SLC23A2: variants seen among roughly 807,000 people sequenced by gnomAD.
SLC23A2 encodes the protein Na(+)/L-ascorbic acid transporter 2.
In SLC23A2, 36 loss-of-function variants were observed where a neutral mutation model predicts 73.3. The ratio of observed to expected loss-of-function variants is 0.49; its 90% CI spans 0.38 to 0.65. SLC23A2 has a LOEUF of 0.65. Ranked by LOEUF, SLC23A2 falls within the 30% of genes least tolerant of loss-of-function variation. The pLI, the probability that SLC23A2 is intolerant of heterozygous loss-of-function variation, is 0.00. For synonymous variants in SLC23A2, 343 were observed against 327.3 expected (o/e 1.05, Z -0.52); for missense variants, 507 against 841.6 (o/e 0.60, Z 4.92).
chr20:4,859,461 G>C, intron 15 of SLC23A2, 77 bp from the exon 16 acceptor site: 1 of 898,650 alleles, frequency 1.1e-6, no homozygotes, highest in Non-Finnish European at 1.9e-6. Flanking sequence ...AAGGGGCAAT[G>C]GTGTGGGCAG....
intron 1 of SLC23A2, among the ~76,000 whole-genome samples, chr20:4,988,718 G>A (rs1476792821): frequency 1.1e-4 from 15 of 141,776 alleles, no homozygotes; most frequent in Middle Eastern, 4.1e-3. Flanking sequence ...CCTAGCGATA[G>A]AGAGAGACTT....
rs188600994 is a variant in SLC23A2 at position 4,972,327 on chromosome 20, G to C, written c.-281-1408C>G. Among the ~76,000 whole-genome samples, 33 of 150,822 alleles carry C rather than the reference G, an allele frequency of 2.2e-4. No individual in the cohort carries two copies. In the East Asian group the frequency reaches 6.2e-3, roughly 28 times the overall value. ...ATGCCATCAGACTGGTACCAGTCCAGCCTTCAAGGAACCATTAATGAGTCT... is the reference window on the plus strand; with the variant it reads ...ATGCCATCAGACTGGTACCAGTCCACCCTTCAAGGAACCATTAATGAGTCT... On this transcript the variant is annotated intron_variant, in intron 1 of 16. Transcript: ENST00000338244.
chr20:4,900,378 T>A (rs1931700950), intron 5 of SLC23A2, among the ~76,000 whole-genome samples: 1 of 152,234 alleles, frequency 6.6e-6, no homozygotes, highest in South Asian at 2.1e-4. Context: ...GCCTTTCTCC[T>A]CTAATCTGTT....
intron 2 of SLC23A2, among the ~76,000 whole-genome samples, chr20:4,953,030 T>C (rs1236306679): frequency 7.4e-6 from 1 of 135,598 alleles, no homozygotes; most frequent in Non-Finnish European, 1.6e-5. Flanking sequence ...AAAAAAGGCC[T>C]GGCGCGGTGA....
intron 2 of SLC23A2, among the ~76,000 whole-genome samples, chr20:4,943,173 T>C (rs2087069563): frequency 6.6e-6 from 1 of 151,920 alleles, no homozygotes; most frequent in Non-Finnish European, 1.5e-5. Context: ...AGATGTTCCA[T>C]AAATGCTAAT....
At chr20:4,992,503 G>GTT (rs140932210) in intron 1 of SLC23A2, among the ~76,000 whole-genome samples, 3 of 95,730 alleles carry the variant, frequency 3.1e-5, no homozygotes, top group Admixed American at 2.3e-4. Context: ...AAGATTGACA[G>GTT]TTTTTTTTTT....
intron 6 of SLC23A2, among the ~76,000 whole-genome samples, chr20:4,888,179 C>T (rs571333693): frequency 3.3e-5 from 5 of 152,280 alleles, no homozygotes; most frequent in South Asian, 2.1e-4. Flanking sequence ...ACACCAGGGG[C>T]GGCCAAACCA....
intron 1 of SLC23A2, among the ~76,000 whole-genome samples, chr20:4,974,368 T>C (rs1281669441): frequency 2.6e-5 from 4 of 152,044 alleles, no homozygotes; most frequent in Admixed American, 2.0e-4. Context: ...TCGGGAAGGC[T>C]GAGGCAGGAG....
At position 4,852,386 on chromosome 20, in the gene SLC23A2, G is replaced by GA. The variant is rs1274359125; in HGVS notation, c.*4585dup. ...GTCCAGGAGAGCTTTTATTTGTACG[G>GA]AACAGTTTTAAAAATACAGAATAAA... On this transcript the variant is annotated 3_prime_UTR_variant, in exon 17 of 17. Coordinates refer to ENST00000338244, the MANE Select transcript of SLC23A2 (RefSeq NM_005116.6). This position sits in a 1 kb window ranked among gnomAD's most constrained non-coding sequence, Gnocchi z 4.3. 1 of 152,440 alleles carries GA rather than the reference G, an allele frequency of 6.6e-6. No individual in the cohort carries two copies. 9.4% of individuals were successfully genotyped at this position (152,440 alleles called of 1,614,324 possible).
intron 13 of SLC23A2, among the ~76,000 whole-genome samples, chr20:4,867,057 TAAAAAAAAAAAAAAAA>T (rs71197732): frequency 5.2e-5 from 4 of 76,504 alleles, no homozygotes; most frequent in Non-Finnish European, 9.2e-5. Flanking sequence ...AAGCGATCCC[TAAAAAAAAAAAAAAAA>T]AAAAAAAAAT....
upstream of SLC23A2, among the ~76,000 whole-genome samples, chr20:5,005,546 T>C (rs1475384391): frequency 6.6e-6 from 1 of 152,220 alleles, no homozygotes; most frequent in Non-Finnish European, 1.5e-5. Flanking sequence ...TATTCCATCT[T>C]CATACAGTAC....
At chr20:4,977,685 G>A (rs1448096559) in intron 1 of SLC23A2, among the ~76,000 whole-genome samples, 4 of 146,848 alleles carry the variant, frequency 2.7e-5, no homozygotes, top group African/African-American at 7.6e-5. Context: ...GTGACAGAGC[G>A]AGACTCTGTC....
chr20:4,963,125 AAATATCAATTCCT>A (rs2087419488), intron 2 of SLC23A2, among the ~76,000 whole-genome samples: 1 of 152,198 alleles, frequency 6.6e-6, no homozygotes, highest in Non-Finnish European at 1.5e-5. Flanking sequence ...TGGAGAATGT[AAATATCAATTCCT>A]CAGCAAATCC....
chr20:4,948,432 C>T (rs1600162317), intron 2 of SLC23A2, among the ~76,000 whole-genome samples: 1 of 152,130 alleles, frequency 6.6e-6, no homozygotes, highest in Non-Finnish European at 1.5e-5. Flanking sequence ...ACACCATACC[C>T]CCTGCTCCCC....
chr20:4,991,648 G>A (rs1412671946), intron 1 of SLC23A2, among the ~76,000 whole-genome samples: 1 of 151,404 alleles, frequency 6.6e-6, no homozygotes, highest in Non-Finnish European at 1.5e-5. Context: ...CTTGAATCCA[G>A]GAGGCGGAGG....
Position 4,883,952 on chromosome 20 carries a change from T to C in SLC23A2, c.643-129A>G, listed in dbSNP as rs1035067656. ...ATTACATCATCTAACTTGGGAGAGA[T>C]AGCTAGAAAATTCCCCAGGACCCGA... On this transcript the variant is annotated intron_variant, in intron 8 of 16. Transcript: ENST00000338244. The surrounding 1 kb of genome is among the most constrained non-coding windows in gnomAD (Gnocchi z 4.5). 12 of 660,892 alleles carry C rather than the reference T, an allele frequency of 1.8e-5. No individual in the cohort carries two copies. The highest frequency in any genetic ancestry group is 2.6e-5 in the Non-Finnish European group (11 of 419,478). The allele number at this position is 660,892 out of a possible 1,614,324, so 40.9% of individuals were successfully genotyped here.
intron 2 of SLC23A2, among the ~76,000 whole-genome samples, chr20:4,969,286 T>C (rs1442637378): frequency 6.6e-6 from 1 of 151,830 alleles, no homozygotes; most frequent in East Asian, 1.9e-4. Context: ...ACAGGGTTTC[T>C]CCATGTTGTA....
rs6053014 is a variant in SLC23A2 at position 4,985,859 on chromosome 20, A to G, written c.-281-14940T>C. Among the ~76,000 whole-genome samples the G allele has an allele frequency of 5.3e-3, 811 of 152,312 alleles. 4 individuals are homozygous for G. The highest frequency in any genetic ancestry group is 0.018 in the African/African-American group (732 of 41,570). ...GGTGAAAAGGGGAGAAGGGAGAGTA[A>G]CCACTAATGACAGCCAGATGGTAGT... On this transcript the variant is annotated intron_variant, in intron 1 of 16. Transcript: ENST00000338244.
intron 3 of SLC23A2, among the ~76,000 whole-genome samples, chr20:4,916,624 CCT>C (rs1932331104): frequency 6.6e-6 from 1 of 152,130 alleles, no homozygotes; most frequent in Admixed American, 6.5e-5. Context: ...CTACTGCTCC[CCT>C]GACACATTCC....
Sources: gnomAD v4.1 joint callset for allele counts (sites outside exome capture counted in the v4.1 genomes callset) on GRCh38, gnomAD v4.1.1 for gene constraint, Gnocchi (gnomAD v3.1) non-coding constraint, MANE v1.5 for transcripts, NCBI Gene and HGNC (gene_info 2026-07-23, HGNC 2026-07-21) for gene names.